PTPRN2: variants seen among roughly 807,000 people sequenced by gnomAD.
The protein encoded by PTPRN2 is receptor-type tyrosine-protein phosphatase N2.
A neutral mutation model predicts 118.8 loss-of-function variants in PTPRN2; 74 were observed. The ratio of observed to expected loss-of-function variants is 0.62; its 90% confidence interval spans 0.52 to 0.76. The LOEUF is 0.76. Among genes scored for constraint, PTPRN2 ranks in the 30% least tolerant of loss-of-function variants. The probability of loss-of-function intolerance (pLI) is 0.00; values close to 1 mark genes in which losing one functional copy is unlikely to be tolerated. For synonymous variants in PTPRN2, 641 were observed against 608.0 expected, an observed-to-expected ratio of 1.05 and a Z score of -0.80; for missense variants, 1,481 against 1,394.4, an observed-to-expected ratio of 1.06 and a Z score of -0.99.
At chr7:157,796,164 C>T (rs1449864361) in intron 12 of PTPRN2, among the ~76,000 whole-genome samples, 4 of 152,216 alleles carry the variant, frequency 2.6e-5, no homozygotes, top group Non-Finnish European at 4.4e-5. Flanking sequence ...TCCTTAGAGA[C>T]GCGGGGATGC....
At chr7:158,084,987 ACGGATG>A (rs1813180430) in intron 10 of PTPRN2, among the ~76,000 whole-genome samples, 1 of 114,778 alleles carries the variant, frequency 8.7e-6, no homozygotes, top group African/African-American at 3.5e-5. Context: ...GCCCATCCAC[ACGGATG>A]CCCATACACT....
intron 2 of PTPRN2, among the ~76,000 whole-genome samples, chr7:158,489,316 G>A (rs919710436): frequency 6.6e-6 from 1 of 152,112 alleles, no homozygotes; most frequent in African/African-American, 2.4e-5. Flanking sequence ...GTGCAGTGGC[G>A]CACGCCTGTA....
intron 11 of PTPRN2, among the ~76,000 whole-genome samples, chr7:157,978,659 G>C (rs1007782176): frequency 6.6e-6 from 1 of 151,906 alleles, no homozygotes; most frequent in Non-Finnish European, 1.5e-5. Context: ...AGCTGATCCA[G>C]CTCAGGGGTC....
Position 158,570,945 on chromosome 7 carries a change from G to C in PTPRN2, c.112+16613C>G, listed in dbSNP as rs1403424800. On this transcript the variant is annotated intron_variant, in intron 1 of 22. Coordinates refer to ENST00000389418, the MANE Select transcript of PTPRN2 (RefSeq NM_002847.5). The surrounding 1 kb of genome is among the most constrained non-coding windows in gnomAD (Gnocchi z 4.5). ...GCCCACCCCTGCAGAGCAAAGCCCG[G>C]GTCCCGGATGGCAAAGCCATACGCA... Among the ~76,000 whole-genome samples the C allele has an allele frequency of 6.6e-6, 1 of 152,226 alleles. No homozygotes were observed. Among genetic ancestry groups the C allele is most frequent in the East Asian group, 1.9e-4 (1 of 5,196 alleles).
rs2150632211 is a variant in PTPRN2 at position 157,619,659 on chromosome 7, G to T, written c.2344+1703C>A. ...TAGAAACTGGTCTGAACACTAAATG[G>T]GTAGCAAGAAGCGTGCACCCAGCTG... is the stretch of plus-strand genomic sequence containing the variant. On this transcript the variant is annotated intron_variant, in intron 15 of 22. Transcript: ENST00000389418. The surrounding 1 kb of genome is among the most constrained non-coding windows in gnomAD (Gnocchi z 5.3). Among the ~76,000 whole-genome samples, 1 of 152,272 alleles carries T rather than the reference G, an allele frequency of 6.6e-6. No homozygotes were observed. Among genetic ancestry groups the T allele is most frequent in the South Asian group, 2.1e-4 (1 of 4,826 alleles).
rs1226544031 is a variant in PTPRN2 at position 158,587,640 on chromosome 7, C to T, written c.30G>A (p.Leu10=). The change falls in exon 1 of 23, where the codon CTG becomes CTA. Residue 10 remains leucine (L), a synonymous_variant. Transcript: ENST00000389418. ...CGCGTGGCGGCAGCAGCAGCAGTAG[C>T]AGCAGCAGCAGCGGGAGCGGCGGCC... MGPPLPLLL[L]LLLLLPPRVL... is the part of the protein sequence containing the mutation. The T allele has an allele frequency of 6.0e-6, 8 of 1,342,326 alleles. No individual in the cohort carries two copies. Among genetic ancestry groups the T allele is most frequent in the Admixed American group, 6.7e-5 (2 of 29,770 alleles). 83.2% of individuals were successfully genotyped at this position (1,342,326 alleles called of 1,614,324 possible).
chr7:158,210,050 C>G (rs996834679), intron 3 of PTPRN2, among the ~76,000 whole-genome samples: 4 of 151,092 alleles, frequency 2.6e-5, no homozygotes, highest in Non-Finnish European at 5.9e-5. Flanking sequence ...GCAGCAAAAG[C>G]AGTACTAAGA....
intron 2 of PTPRN2, among the ~76,000 whole-genome samples, chr7:158,433,286 A>G (rs935408280): frequency 6.6e-6 from 1 of 152,206 alleles, no homozygotes; most frequent in African/African-American, 2.4e-5. Flanking sequence ...TTAAGGATGC[A>G]TTTCTATTGG....
intron 10 of PTPRN2, among the ~76,000 whole-genome samples, chr7:158,087,664 T>G (rs13227474): frequency 8.0e-5 from 4 of 50,256 alleles, no homozygotes; most frequent in Non-Finnish European, 1.6e-4. Context: ...CCTCCCCTGA[T>G]GAAGGAGGGA....
intron 1 of PTPRN2, among the ~76,000 whole-genome samples, chr7:158,569,432 G>A (rs1431419020): frequency 6.6e-6 from 1 of 152,250 alleles, no homozygotes; most frequent in African/African-American, 2.4e-5. Context: ...GGGCGGACGA[G>A]ACTCCCTGAC....
At chr7:158,141,636 G>GT (rs977079658) in intron 6 of PTPRN2, among the ~76,000 whole-genome samples, 15 of 152,156 alleles carry the variant, frequency 9.9e-5, no homozygotes, top group South Asian at 2.1e-4. Flanking sequence ...TTTTTGAAGT[G>GT]TTTTGCTTCA....
intron 11 of PTPRN2, among the ~76,000 whole-genome samples, chr7:157,931,861 T>C (rs1383748149): frequency 1.3e-5 from 2 of 152,186 alleles, no homozygotes; most frequent in Non-Finnish European, 2.9e-5. Context: ...ATTGGGATTC[T>C]ACCACCGCCA....
chr7:157,717,199 C>G lies in PTPRN2; in HGVS notation c.1789-34262G>C, dbSNP rs1002083024. 9.2e-5 allele frequency among the ~76,000 whole-genome samples: 14 copies of G among 152,256 alleles called. 1 individual carries two copies. Among genetic ancestry groups the G allele is most frequent in the African/African-American group, 3.4e-4 (14 of 41,470 alleles). ...CGATCCACGAGGCTTTGAGAAAATG[C>G]ATCTCTAAAAAAAGCACATTTGGTG... On this transcript the variant is annotated intron_variant, in intron 12 of 22. Coordinates refer to ENST00000389418, the MANE Select transcript of PTPRN2 (RefSeq NM_002847.5).
chr7:158,289,965 G>T (rs1233428328), intron 3 of PTPRN2, among the ~76,000 whole-genome samples: 2 of 152,172 alleles, frequency 1.3e-5, no homozygotes, highest in East Asian at 3.9e-4. Flanking sequence ...GGATCCACTG[G>T]AGTGGACCTG....
intron 15 of PTPRN2, among the ~76,000 whole-genome samples, chr7:157,607,417 G>C (rs1387961179): frequency 6.6e-6 from 1 of 152,256 alleles, no homozygotes; most frequent in African/African-American, 2.4e-5. Context: ...TTTCAGCACA[G>C]CCACCTTTAG....
intron 17 of PTPRN2, among the ~76,000 whole-genome samples, chr7:157,580,663 A>C (rs1363906979): frequency 0.07 from 1,419 of 20,246 alleles, no homozygotes; most frequent in Middle Eastern, 0.21. Context: ...CGAGCCCCTG[A>C]ACACCCGAGC....
At chr7:157,926,885 G>C (rs1799024653) in intron 11 of PTPRN2, among the ~76,000 whole-genome samples, 1 of 151,386 alleles carries the variant, frequency 6.6e-6, no homozygotes, top group Admixed American at 6.6e-5. Flanking sequence ...CCGGCTCACT[G>C]TCTGCAAGCA....
At chr7:158,363,352 C>G (rs890431221) in intron 2 of PTPRN2, among the ~76,000 whole-genome samples, 1 of 152,088 alleles carries the variant, frequency 6.6e-6, no homozygotes, top group African/African-American at 2.4e-5. Context: ...TTGGGGAGGC[C>G]GCCTCCTCCA....
chr7:158,155,128 T>C (rs1274989826), intron 6 of PTPRN2, among the ~76,000 whole-genome samples: 4 of 152,216 alleles, frequency 2.6e-5, no homozygotes, highest in East Asian at 1.9e-4. Flanking sequence ...ATAAGGCAAT[T>C]ACACAAAATG....
Sources: allele counts gnomAD v4.1 joint callset (sites outside exome capture counted in the v4.1 genomes callset), GRCh38; gene constraint gnomAD v4.1.1; non-coding constraint Gnocchi (gnomAD v3.1); transcripts MANE v1.5; gene names NCBI Gene and HGNC (gene_info 2026-07-23, HGNC 2026-07-21).